HS6ST3: variants seen among roughly 807,000 people sequenced by gnomAD.
The protein encoded by HS6ST3 is heparan sulfate 6-O-sulfotransferase 3.
Under a neutral mutation model 36.7 loss-of-function variants are expected in HS6ST3, and 12 were observed. The ratio of observed to expected loss-of-function variants is 0.33; its 90% CI spans 0.21 to 0.53. The LOEUF (loss-of-function observed/expected upper bound fraction) is 0.53, where lower values mean the gene tolerates loss of function less well. Ranked by LOEUF, HS6ST3 falls within the 20% of genes least tolerant of loss-of-function variation. The pLI is 0.95. For missense variants in HS6ST3, 584 were observed against 640.9 expected, an observed-to-expected ratio of 0.91 and a Z score of 0.96; for synonymous variants, 240 against 257.5, an observed-to-expected ratio of 0.93 and a Z score of 0.65.
chr13:96,136,923 G>A (rs2054005261), intron 1 of HS6ST3, among the ~76,000 whole-genome samples: 1 of 151,840 alleles, frequency 6.6e-6, no homozygotes, highest in Admixed American at 6.6e-5. Flanking sequence ...TAGACTTTGT[G>A]GTGTGAAAGG....
intron 1 of HS6ST3, among the ~76,000 whole-genome samples, chr13:96,189,081 T>C (rs1394846122): frequency 1.3e-5 from 2 of 152,180 alleles, no homozygotes; most frequent in African/African-American, 2.4e-5. Context: ...TCTTCATCTA[T>C]AATTTTCTAT....
intron 1 of HS6ST3, among the ~76,000 whole-genome samples, chr13:96,364,384 G>A (rs1034201654): frequency 2.6e-5 from 4 of 152,110 alleles, no homozygotes; most frequent in African/African-American, 7.2e-5. Flanking sequence ...GAGAAAGTAT[G>A]GCATAGCATA....
chr13:96,473,667 G>A (rs2055849988), intron 1 of HS6ST3, among the ~76,000 whole-genome samples: 1 of 152,152 alleles, frequency 6.6e-6, no homozygotes, highest in Non-Finnish European at 1.5e-5. Flanking sequence ...TACACTTCCT[G>A]GCTTTTGCAG....
intron 1 of HS6ST3, among the ~76,000 whole-genome samples, chr13:96,617,084 T>C (rs968693014): frequency 1.3e-5 from 2 of 152,246 alleles, no homozygotes; most frequent in African/African-American, 2.4e-5. Flanking sequence ...TTTTGTAGTA[T>C]GTCATGGAGA....
chr13:96,323,066 G>C, intron 1 of HS6ST3, among the ~76,000 whole-genome samples: 1 of 152,076 alleles, frequency 6.6e-6, no homozygotes, highest in East Asian at 1.9e-4. Flanking sequence ...GACCCCTTCT[G>C]TACTTCTCCA....
At chr13:96,762,320 A>T (rs1038071629) in intron 1 of HS6ST3, among the ~76,000 whole-genome samples, 1 of 152,018 alleles carries the variant, frequency 6.6e-6, no homozygotes, top group Non-Finnish European at 1.5e-5. Context: ...TCTACTAAAA[A>T]TATAAAAAAA....
chr13:96,321,199 G>A (rs1458931524), intron 1 of HS6ST3, among the ~76,000 whole-genome samples: 1 of 151,856 alleles, frequency 6.6e-6, no homozygotes, highest in East Asian at 1.9e-4. Context: ...ATGTGCTTCA[G>A]TCTATCTGCT....
intron 1 of HS6ST3, among the ~76,000 whole-genome samples, chr13:96,127,162 G>A (rs188746278): frequency 1.3e-5 from 2 of 152,304 alleles, no homozygotes; most frequent in African/African-American, 2.4e-5. Flanking sequence ...AGGAGATGAG[G>A]TCATGGGGGT....
intron 1 of HS6ST3, among the ~76,000 whole-genome samples, chr13:96,482,541 A>G (rs952343643): frequency 6.7e-6 from 1 of 149,302 alleles, no homozygotes; most frequent in African/African-American, 2.5e-5. Context: ...TCTCCTCTGC[A>G]GTGTTGTTAG....
intron 1 of HS6ST3, among the ~76,000 whole-genome samples, chr13:96,210,043 AATT>A (rs1006244235): frequency 3.0e-4 from 46 of 152,114 alleles, no homozygotes; most frequent in African/African-American, 1.1e-3. Context: ...ATGCTCAGTG[AATT>A]ATTATTGAGT....
chr13:96,724,134 C>T (rs1875925669), intron 1 of HS6ST3, among the ~76,000 whole-genome samples: 1 of 152,016 alleles, frequency 6.6e-6, no homozygotes, highest in Non-Finnish European at 1.5e-5. Flanking sequence ...AGATTAAAGC[C>T]AATAAAAAGT....
In HS6ST3 at chr13:96,090,922, C is replaced by T; in HGVS notation, c.60C>T (p.Val20=). The change falls in exon 1 of 2, where the codon GTC becomes GTT. Residue 20 remains valine, a synonymous_variant. Coordinates refer to ENST00000376705, the MANE Select transcript of HS6ST3 (RefSeq NM_153456.4). The part of the protein sequence containing the change: ...LTPVLTLLFV[V]IMYQYVSPSC... ...CGGTGCTCACTCTCCTCTTCGTGGT[C>T]ATCATGTACCAGTACGTGTCCCCCT... The T allele has an allele frequency of 6.6e-7, 1 of 1,508,406 alleles. No homozygotes were observed. Among genetic ancestry groups the T allele is most frequent in the Non-Finnish European group, 8.9e-7 (1 of 1,123,168 alleles). 93.4% of individuals were successfully genotyped at this position (1,508,406 alleles called of 1,614,324 possible).
chr13:96,112,604 T>TATAC (rs2053875365), intron 1 of HS6ST3, among the ~76,000 whole-genome samples: 1 of 119,970 alleles, frequency 8.3e-6, no homozygotes, highest in African/African-American at 3.0e-5. Context: ...TATATATATA[T>TATAC]ATATATATAT....
At chr13:96,440,828 G>C (rs2055667137) in intron 1 of HS6ST3, among the ~76,000 whole-genome samples, 1 of 152,302 alleles carries the variant, frequency 6.6e-6, no homozygotes, top group South Asian at 2.1e-4. Context: ...GAGAAATGCA[G>C]AGGAATAATT....
intron 1 of HS6ST3, among the ~76,000 whole-genome samples, chr13:96,364,180 T>G (rs11617255): frequency 0.014 from 2,155 of 152,186 alleles, 26 homozygotes; most frequent in East Asian, 0.055. Flanking sequence ...ACACTGCTGG[T>G]TGGAACATAA....
intron 1 of HS6ST3, among the ~76,000 whole-genome samples, chr13:96,108,313 C>G (rs1283638676): frequency 6.6e-6 from 1 of 152,184 alleles, no homozygotes; most frequent in African/African-American, 2.4e-5. Context: ...CTGGCGAATT[C>G]TAGTCAGACC....
At chr13:96,313,835 T>A (rs1196546707) in intron 1 of HS6ST3, among the ~76,000 whole-genome samples, 1 of 152,300 alleles carries the variant, frequency 6.6e-6, no homozygotes, top group East Asian at 1.9e-4. Context: ...GGTGTCTGTG[T>A]GAGTCTCCTT....
intron 1 of HS6ST3, among the ~76,000 whole-genome samples, chr13:96,392,232 C>T (rs190697907): frequency 6.6e-6 from 1 of 152,182 alleles, no homozygotes. Flanking sequence ...CCACTGGGCT[C>T]TACTATCATT....
At chr13:96,407,994 G>A (rs1276116576) in intron 1 of HS6ST3, among the ~76,000 whole-genome samples, 1 of 152,186 alleles carries the variant, frequency 6.6e-6, no homozygotes. Flanking sequence ...AGGCTGGAGT[G>A]CAGTGGCACG....
Sources: allele counts gnomAD v4.1 joint callset (sites outside exome capture counted in the v4.1 genomes callset), GRCh38; gene constraint gnomAD v4.1.1; transcripts MANE v1.5; gene names NCBI Gene and HGNC (gene_info 2026-07-23, HGNC 2026-07-21).